ZNF236: variants seen among roughly 807,000 people sequenced by gnomAD.
ZNF236 encodes the protein regulated by glucose.
ZNF236 carries 50 observed loss-of-function variants against 191.2 expected under a neutral mutation model. That is an observed-to-expected ratio of 0.26 (90% CI 0.21 to 0.33). ZNF236 has a LOEUF of 0.33. ZNF236 is among the 10% of genes least tolerant of loss of function. The pLI, the probability that ZNF236 is intolerant of heterozygous loss-of-function variation, is 1.00. For missense variants in ZNF236, 1,754 were observed against 2,374.5 expected, an observed-to-expected ratio of 0.74 and a Z score of 5.43; for synonymous variants, 907 against 928.8, an observed-to-expected ratio of 0.98 and a Z score of 0.43.
chr18:76,948,778 GC>G (rs751148441), intron 27 of ZNF236, among the ~76,000 whole-genome samples: 13 of 152,168 alleles, frequency 8.5e-5, no homozygotes, highest in Admixed American at 3.3e-4. Context: ...TGGAATGCCC[GC>G]GTGGTTGGGC....
intron 1 of ZNF236, among the ~76,000 whole-genome samples, chr18:76,833,461 A>AT (rs1480179060): frequency 1.3e-5 from 2 of 151,894 alleles, no homozygotes; most frequent in Non-Finnish European, 2.9e-5. Flanking sequence ...TGATCATGTG[A>AT]TTTTTCTTTT....
At chr18:76,830,401 A>C (rs1457122968) in intron 1 of ZNF236, among the ~76,000 whole-genome samples, 4 of 152,154 alleles carry the variant, frequency 2.6e-5, no homozygotes, top group Non-Finnish European at 5.9e-5. Flanking sequence ...AAGTGTTGCT[A>C]CAAACTTTTA....
intron 30 of ZNF236, among the ~76,000 whole-genome samples, chr18:76,965,521 T>G (rs2122979108): frequency 6.6e-6 from 1 of 152,346 alleles, no homozygotes; most frequent in East Asian, 1.9e-4. Context: ...GTAGGCTCTG[T>G]CAGAGGGAAG....
chr18:76,948,342 A>G (rs1437149301), intron 27 of ZNF236, among the ~76,000 whole-genome samples: 2 of 152,174 alleles, frequency 1.3e-5, no homozygotes, highest in African/African-American at 4.8e-5. Flanking sequence ...TCACAAAGAG[A>G]TGAGATATAA....
At chr18:76,885,269 G>A (rs1219657131) in intron 9 of ZNF236, 2 of 152,322 alleles carry the variant, frequency 1.3e-5, no homozygotes, top group Non-Finnish European at 2.9e-5. Context: ...GTGTCACTGT[G>A]TAACCACATA....
chr18:76,868,814 G>A lies in ZNF236; in HGVS notation c.493G>A (p.Glu165Lys), dbSNP rs369818870. Residue 165 changes from glutamate (E) to lysine (K), a missense_variant, in exon 4 of 31, where the codon GAG becomes AAG. Transcript: ENST00000320610. ...HACKACKKEF[E>K]TSSELKEHMK... Reference sequence around the variant, plus strand: ...CTGCAAGGCCTGCAAGAAAGAGTTCGAGACCTCCTCGGAGCTGAAGGAACA... The same window carrying A: ...CTGCAAGGCCTGCAAGAAAGAGTTCAAGACCTCCTCGGAGCTGAAGGAACA... The A allele has an allele frequency of 5.6e-6, 9 of 1,613,520 alleles. No individual in the cohort carries two copies. The highest frequency in any genetic ancestry group is 2.2e-5 in the East Asian group (1 of 44,890).
intron 26 of ZNF236, among the ~76,000 whole-genome samples, chr18:76,946,822 T>A (rs754752025): frequency 6.6e-6 from 1 of 152,242 alleles, no homozygotes; most frequent in Admixed American, 6.5e-5. Flanking sequence ...ATTGTATATG[T>A]GTTTCTAAGC....
At chr18:76,834,563 T>G (rs1001503683) in intron 1 of ZNF236, 2 of 488,190 alleles carry the variant, frequency 4.1e-6, no homozygotes, top group Non-Finnish European at 8.0e-6. Context: ...ACCACCTTGC[T>G]GGGGTGAATG....
At position 76,969,980 on chromosome 18, in the gene ZNF236, G is replaced by A. The variant is rs1968882211; in HGVS notation, c.*1641G>A. 6.6e-6 allele frequency: 1 copy of A among 152,566 alleles called. No individual in the cohort carries two copies. The highest frequency in any genetic ancestry group is 1.5e-5 in the Non-Finnish European group (1 of 68,020). 9.5% of individuals were successfully genotyped at this position (152,566 alleles called of 1,614,324 possible). ...AAAGCCTTATTTGACTTATGCTTGT[G>A]ATACTGGACTTCTTACCAATCCGGA... On this transcript the variant is annotated 3_prime_UTR_variant, in exon 31 of 31. Coordinates refer to ENST00000320610, the MANE Select transcript of ZNF236 (RefSeq NM_001306089.2).
At chr18:76,823,958 G>C (rs1283765838) in intron 1 of ZNF236, among the ~76,000 whole-genome samples, 1 of 152,230 alleles carries the variant, frequency 6.6e-6, no homozygotes, top group East Asian at 1.9e-4. Context: ...CGTTTGGAAA[G>C]GGTTTTGAAG....
In ZNF236 at chr18:76,842,706, G is replaced by T. The variant is rs1369699495; in HGVS notation, c.56-6820G>T. On this transcript the variant is annotated intron_variant, in intron 1 of 30. Transcript: ENST00000320610. Reference sequence around the variant, plus strand: ...GCGGAGGTTGCGGTGAGCAGAGATCGCGCCATCGCACTCCAGCCTGGGCAA... The same window carrying T: ...GCGGAGGTTGCGGTGAGCAGAGATCTCGCCATCGCACTCCAGCCTGGGCAA... Among the ~76,000 whole-genome samples the T allele has an allele frequency of 7.9e-5, 12 of 151,348 alleles. No individual in the cohort carries two copies. The South Asian group carries it at 2.1e-3, about 26-fold the overall frequency.
At chr18:76,863,582 ATTC>A (rs1490667781) in intron 3 of ZNF236, among the ~76,000 whole-genome samples, 1 of 151,708 alleles carries the variant, frequency 6.6e-6, no homozygotes, top group East Asian at 1.9e-4. Flanking sequence ...ATTACAAATT[ATTC>A]TTCTTCTTTT....
chr18:76,887,830 G>A (rs1977102828), intron 9 of ZNF236: 1 of 152,162 alleles, frequency 6.6e-6, no homozygotes, highest in South Asian at 2.1e-4. Flanking sequence ...CTCCCACCAG[G>A]TCCCTCCCAC....
chr18:76,912,902 A>G (rs1192616078), intron 17 of ZNF236, among the ~76,000 whole-genome samples: 1 of 152,200 alleles, frequency 6.6e-6, no homozygotes, highest in Admixed American at 6.5e-5. Context: ...ATCCACCTGC[A>G]TCGGCCTCCC....
intron 3 of ZNF236, among the ~76,000 whole-genome samples, chr18:76,865,074 C>T (rs974339002): frequency 1.3e-5 from 2 of 152,172 alleles, no homozygotes; most frequent in Non-Finnish European, 1.5e-5. Flanking sequence ...CGGTGGCTCA[C>T]GCCTGTAATC....
At chr18:76,924,858 C>T (rs1297696007) in intron 21 of ZNF236, among the ~76,000 whole-genome samples, 2 of 152,070 alleles carry the variant, frequency 1.3e-5, no homozygotes, top group African/African-American at 4.8e-5. Context: ...CAGAGCCGGG[C>T]TGTTAAGTCA....
In ZNF236 at chr18:76,972,661, T is replaced by C. The variant is rs1968924264; in HGVS notation, c.*4322T>C. 6.6e-6 allele frequency among the ~76,000 whole-genome samples: 1 copy of C among 152,248 alleles called. No homozygotes were observed. Among genetic ancestry groups the C allele is most frequent in the Non-Finnish European group, 1.5e-5 (1 of 68,046 alleles). On this transcript the variant is annotated 3_prime_UTR_variant, in exon 31 of 31. Coordinates refer to ENST00000320610, the MANE Select transcript of ZNF236 (RefSeq NM_001306089.2). ...TATTCTATCAATATTTGTATCATAA[T>C]TGACAAATTCTCAAGTGACATAGGG...
Position 76,971,006 on chromosome 18 carries a change from G to A in ZNF236, c.*2667G>A, listed in dbSNP as rs1355445920. 6.6e-6 allele frequency among the ~76,000 whole-genome samples: 1 copy of A among 152,224 alleles called. No homozygotes were observed. Among genetic ancestry groups the A allele is most frequent in the African/African-American group, 2.4e-5 (1 of 41,460 alleles). ...CTTTCATTTGCTGCTTTATTCAACGGCACCCAGTCATTGAGGAACCTTTTG... is the reference window on the plus strand; with the variant it reads ...CTTTCATTTGCTGCTTTATTCAACGACACCCAGTCATTGAGGAACCTTTTG... On this transcript the variant is annotated 3_prime_UTR_variant, in exon 31 of 31. Coordinates refer to ENST00000320610, the MANE Select transcript of ZNF236 (RefSeq NM_001306089.2).
chr18:76,905,541 TCAAGAAA>T, intron 13 of ZNF236, 126 bp downstream of exon 13: 1 of 348,314 alleles, frequency 2.9e-6, no homozygotes, highest in African/African-American at 6.5e-5. Context: ...CTATATGGGC[TCAAGAAA>T]AAAAAAAAAA....
Sources: allele counts gnomAD v4.1 joint callset (sites outside exome capture counted in the v4.1 genomes callset), GRCh38; gene constraint gnomAD v4.1.1; transcripts MANE v1.5; gene names NCBI Gene and HGNC (gene_info 2026-07-23, HGNC 2026-07-21).